TRAK1: variants seen among roughly 807,000 people sequenced by gnomAD.
TRAK1 encodes trafficking kinesin-binding protein 1.
Under a neutral mutation model 92.1 loss-of-function variants are expected in TRAK1, and 33 were observed. The ratio of observed to expected loss-of-function variants is 0.36; its 90% CI spans 0.27 to 0.48. The LOEUF (loss-of-function observed/expected upper bound fraction) is 0.48, where lower values mean the gene tolerates loss of function less well. Among genes scored for constraint, TRAK1 ranks in the 20% least tolerant of loss-of-function variants. The pLI, the probability that TRAK1 is intolerant of heterozygous loss-of-function variation, is 0.99. For missense variants in TRAK1, 1,123 were observed against 1,257.9 expected (o/e 0.89, Z 1.62); for synonymous variants, 521 against 517.3 (o/e 1.01, Z -0.10).
chr3:42,104,957 T>C (rs1050040876), intron 1 of TRAK1, among the ~76,000 whole-genome samples: 2 of 151,690 alleles, frequency 1.3e-5, no homozygotes, highest in African/African-American at 4.8e-5. Context: ...ATCTTTTTTT[T>C]TTTTTTTTTT....
At position 42,125,489 on chromosome 3, in the gene TRAK1, A is replaced by G. The variant is rs1226640430; in HGVS notation, c.161A>G (p.Tyr54Cys). ...ISLLEEQLPHYKLRADTIYGY... is the reference protein window; with the variant it reads ...ISLLEEQLPHCKLRADTIYGY... Reference sequence around the variant, plus strand: ...CTGCTGGAGGAGCAGCTGCCCCATTATAAGTTAAGAGCCGACACCATCTAC... The same window carrying G: ...CTGCTGGAGGAGCAGCTGCCCCATTGTAAGTTAAGAGCCGACACCATCTAC... Residue 54 changes from tyrosine to cysteine, a missense_variant, in exon 2 of 16, where the codon TAT (tyrosine) becomes TGT (cysteine). Physicochemically the swap from Tyr to Cys is radical, Grantham distance 194. This residue lies in a region of TRAK1 where 686 missense variants were observed against 747.6 expected (regional missense o/e 0.92). Transcript: ENST00000327628. 6.2e-6 allele frequency: 10 copies of G among 1,614,108 alleles called. No individual in the cohort carries two copies. The highest frequency in any genetic ancestry group is 1.6e-4 in the Middle Eastern group (1 of 6,084).
At chr3:42,074,564 G>A (rs1325728499) in intron 1 of TRAK1, among the ~76,000 whole-genome samples, 1 of 152,144 alleles carries the variant, frequency 6.6e-6, no homozygotes, top group African/African-American at 2.4e-5. Flanking sequence ...CTGCAAGTTA[G>A]CTAGCTTTCT....
upstream of TRAK1, chr3:42,087,007 T>C (rs1704709925): frequency 6.6e-6 from 1 of 152,232 alleles, no homozygotes; most frequent in Non-Finnish European, 1.5e-5. Flanking sequence ...GAATTCGCAG[T>C]CTGAACGCAC....
At chr3:42,083,696 G>A (rs1038823328), upstream of TRAK1, among the ~76,000 whole-genome samples, 1 of 152,030 alleles carries the variant, frequency 6.6e-6, no homozygotes, top group Non-Finnish European at 1.5e-5. Flanking sequence ...GCAACATGGT[G>A]AAACCTCATC....
intron 1 of TRAK1, among the ~76,000 whole-genome samples, chr3:42,117,434 G>A (rs1709306057): frequency 6.6e-6 from 1 of 151,824 alleles, no homozygotes; most frequent in Non-Finnish European, 1.5e-5. Flanking sequence ...TCCCTCTCCT[G>A]TTCTTCTCTC....
chr3:42,217,774 CT>C (rs1490094916), intron 14 of TRAK1: 3 of 985,208 alleles, frequency 3.0e-6, no homozygotes, highest in African/African-American at 1.7e-5. Flanking sequence ...TCTTCCCAGG[CT>C]TTTTGTTATT....
At chr3:42,088,624 T>C (rs1350149630), upstream of TRAK1, among the ~76,000 whole-genome samples, 2 of 152,244 alleles carry the variant, frequency 1.3e-5, no homozygotes, top group African/African-American at 4.8e-5. Flanking sequence ...TTGTTCTCTC[T>C]GGAGTCCACT....
chr3:42,102,002 T>C (rs1399240057), intron 1 of TRAK1, among the ~76,000 whole-genome samples: 2 of 152,242 alleles, frequency 1.3e-5, no homozygotes, highest in Non-Finnish European at 2.9e-5. Context: ...TATTTATTTT[T>C]TGAGATGGAG....
In TRAK1 at chr3:42,202,708, G is replaced by T; in HGVS notation, c.1700G>T (p.Arg567Leu). ...TTCTCTGGCATGTCCTTCAGCAGCC[G>T]CTCCTACCTGCCTGAGAAGCTCCAG... ...TGFSGMSFSS[R>L]SYLPEKLQIV... The change falls in exon 13 of 16, where the codon CGC becomes CTC. Residue 567 changes from arginine (R) to leucine (L), a missense_variant. Around this residue, in one of 3 missense-constraint regions of TRAK1, gnomAD observed 686 missense variants for 747.6 expected, o/e 0.92. Coordinates refer to ENST00000327628, the MANE Select transcript of TRAK1 (RefSeq NM_001042646.3). This position sits in a 1 kb window ranked among gnomAD's most constrained non-coding sequence, Gnocchi z 6.1. 1 of 1,613,868 alleles carries T rather than the reference G, an allele frequency of 6.2e-7. No homozygotes were observed. The highest frequency in any genetic ancestry group is 8.5e-7 in the Non-Finnish European group (1 of 1,179,918).
chr3:42,166,244 TA>T (rs1378757456), intron 2 of TRAK1, among the ~76,000 whole-genome samples: 2 of 152,164 alleles, frequency 1.3e-5, no homozygotes, highest in Non-Finnish European at 1.5e-5. Flanking sequence ...TCTTTCTGTC[TA>T]AAATGGGACA....
intron 2 of TRAK1, among the ~76,000 whole-genome samples, chr3:42,171,697 C>T (rs1244103533): frequency 6.6e-6 from 1 of 152,074 alleles, no homozygotes; most frequent in Non-Finnish European, 1.5e-5. Context: ...TGTTTTCTTC[C>T]CATGGGGTTT....
intron 2 of TRAK1, among the ~76,000 whole-genome samples, chr3:42,176,486 C>T (rs1415277961): frequency 6.6e-6 from 1 of 152,178 alleles, no homozygotes; most frequent in Admixed American, 6.5e-5. Context: ...GCCCCCACCC[C>T]ACCTACTTCA....
chr3:42,174,648 T>A (rs1339600517), intron 2 of TRAK1, among the ~76,000 whole-genome samples: 1 of 93,962 alleles, frequency 1.1e-5, no homozygotes, highest in African/African-American at 4.5e-5. Context: ...TTTTTGTGTG[T>A]ATATATATAT....
At chr3:42,157,463 A>AAAAAAAG (rs2149284154) in intron 2 of TRAK1, among the ~76,000 whole-genome samples, 1 of 133,660 alleles carries the variant, frequency 7.5e-6, no homozygotes, top group South Asian at 2.4e-4. Context: ...GTCTCAAAAA[A>AAAAAAAG]AAAAAAAAAA....
At chr3:42,017,304 A>G (rs985470057) in intron 1 of TRAK1, among the ~76,000 whole-genome samples, 4 of 152,144 alleles carry the variant, frequency 2.6e-5, no homozygotes, top group African/African-American at 9.7e-5. Flanking sequence ...GATTTATTTA[A>G]CTCATCTATA....
At chr3:42,153,321 T>G (rs949381112) in intron 2 of TRAK1, among the ~76,000 whole-genome samples, 2 of 152,090 alleles carry the variant, frequency 1.3e-5, no homozygotes, top group African/African-American at 4.8e-5. Flanking sequence ...GAAGATTGTT[T>G]GAGCCCAGGA....
intron 2 of TRAK1, chr3:42,160,288 C>T: frequency 6.3e-7 from 1 of 1,581,536 alleles, no homozygotes; most frequent in East Asian, 2.2e-5. Flanking sequence ...CATGGCTCCT[C>T]TGGGTAGGGG....
At chr3:42,088,300 G>A (rs1022650221), upstream of TRAK1, among the ~76,000 whole-genome samples, 4 of 152,084 alleles carry the variant, frequency 2.6e-5, no homozygotes, top group East Asian at 3.9e-4. Context: ...AGAGAAAGCC[G>A]GGGGTCCCAG....
chr3:42,099,309 A>C (rs1452346017), intron 1 of TRAK1, among the ~76,000 whole-genome samples: 6 of 152,092 alleles, frequency 3.9e-5, no homozygotes, highest in Non-Finnish European at 2.9e-5. Context: ...GGATGGCCTG[A>C]GTCTCAAGCG....
Sources: gnomAD v4.1 joint callset for allele counts (sites outside exome capture counted in the v4.1 genomes callset) on GRCh38, gnomAD v4.1.1 for gene constraint, gnomAD v4.1.1 regional missense constraint, Gnocchi (gnomAD v3.1) non-coding constraint, MANE v1.5 for transcripts, NCBI Gene and HGNC (gene_info 2026-07-23, HGNC 2026-07-21) for gene names.